The following ATP6AP1 variants were observed in gnomAD, a reference collection of about 807,000 sequenced individuals.
ATP6AP1 encodes V-type proton ATPase subunit S1.
ATP6AP1 carries 1 observed loss-of-function variant against 32.0 expected under a neutral mutation model. That is an observed-to-expected ratio of 0.03 (90% CI 0.01 to 0.15). The LOEUF is 0.15. ATP6AP1 is among the 10% of genes least tolerant of loss of function. The pLI is 1.00. For synonymous variants in ATP6AP1, 187 were observed against 174.9 expected (o/e 1.07, Z -0.55); for missense variants, 297 against 398.8 (o/e 0.74, Z 2.17).
Position 154,435,358 on chromosome X carries a change from C to G in ATP6AP1, c.1056C>G (p.Ser352=). The change falls in exon 9 of 10, where the codon TCC becomes TCG. Residue 352 remains serine (S), a synonymous_variant. Coordinates refer to ENST00000369762, the MANE Select transcript of ATP6AP1 (RefSeq NM_001183.6). ...MERLEVHSNG[S]VAYFNASQVT... ...GCCTCGAAGTCCACAGCAATGGCTCCGTCGCCTACTTCAATGCTTCCCAGG... is the reference window on the plus strand; with the variant it reads ...GCCTCGAAGTCCACAGCAATGGCTCGGTCGCCTACTTCAATGCTTCCCAGG... 9 of 1,211,966 alleles carry G rather than the reference C, an allele frequency of 7.4e-6. No individual in the cohort carries two copies. The highest frequency in any genetic ancestry group is 1.0e-5 in the Non-Finnish European group (9 of 895,525).
Position 154,434,372 on chromosome X carries a change from G to A in ATP6AP1, c.849G>A (p.Glu283=). ...CTGTGGCGTACAAGGACCAGTGGGA[G>A]GACCTGACTCCCCTCACCTTTGGGG... ...NFSVAYKDQW[E]DLTPLTFGVQ... is the part of the protein sequence containing the mutation. The change falls in exon 7 of 10, where the codon GAG becomes GAA. Residue 283 remains glutamate, a synonymous_variant. Transcript: ENST00000369762. The A allele has an allele frequency of 1.6e-6, 2 of 1,212,190 alleles. No homozygotes were observed. Among genetic ancestry groups the A allele is most frequent in the Non-Finnish European group, 2.2e-6 (2 of 895,577 alleles).
In ATP6AP1 at chrX:154,434,313, G is replaced by A. The variant is rs782076896; in HGVS notation, c.790G>A (p.Ala264Thr). The A allele has an allele frequency of 5.6e-5, 68 of 1,209,937 alleles. No homozygotes were observed. The South Asian group carries it at 7.2e-4, about 13-fold the overall frequency. ...TCCTCCTGTGAGTTACAATGACACC[G>A]CTCCCCGGATCCTGTTCTGGGCCCA... Reference protein sequence around the residue: ...IHPPVSYNDTAPRILFWAQNF... With the variant: ...IHPPVSYNDTTPRILFWAQNF... Residue 264 changes from alanine to threonine, a missense_variant, in exon 7 of 10, where the codon GCT becomes ACT. Physicochemically the swap from Ala to Thr is moderately conservative, Grantham distance 58. Coordinates refer to ENST00000369762, the MANE Select transcript of ATP6AP1 (RefSeq NM_001183.6).
rs1319932209 is a variant in ATP6AP1, at chrX:154,428,774, G to A, written c.82G>A (p.Val28Met). The A allele has an allele frequency of 1.8e-6, 2 of 1,132,786 alleles. No individual in the cohort carries two copies. The highest frequency in any genetic ancestry group is 3.9e-5 in the African/African-American group (2 of 51,037). The allele number at this position is 1,132,786 out of a possible 1,213,427, so 93.4% of individuals were successfully genotyped here. ...GCTCTGGCGCATGCCGTGGCTGCCG[G>A]TGTTTTTGTCGTTGGCGGCGGCGGC... Reference protein sequence around the residue: ...QALWRMPWLPVFLSLAAAAAA... With the variant: ...QALWRMPWLPMFLSLAAAAAA... The change falls in exon 1 of 10, where the codon GTG becomes ATG. Residue 28 changes from valine to methionine, a missense_variant. This residue lies in a region of ATP6AP1 where 142 missense variants were observed against 145.0 expected (regional missense o/e 0.98). Coordinates refer to ENST00000369762, the MANE Select transcript of ATP6AP1 (RefSeq NM_001183.6).
intron 2 of ATP6AP1, 159 bp from the exon 3 acceptor site, chrX:154,431,671 C>A: frequency 2.0e-6 from 1 of 511,456 alleles, no homozygotes; most frequent in Non-Finnish European, 3.4e-6. Context: ...AGTCTCCCAC[C>A]CCACCCCCAC....
chrX:154,429,015 C>T, intron 1 of ATP6AP1, 33 bp from the exon 2 acceptor site: 13 of 1,203,928 alleles, frequency 1.1e-5, no homozygotes, highest in Non-Finnish European at 1.3e-5. Context: ...ACATGCGCCC[C>T]CGTCTGACAG....
chrX:154,434,820 C>T (rs1430981290), intron 7 of ATP6AP1, among the ~76,000 whole-genome samples: 6 of 111,685 alleles, frequency 5.4e-5, no homozygotes, highest in Non-Finnish European at 9.4e-5. Flanking sequence ...TGTTTGCTCT[C>T]GCCCCCAAAG....
intron 5 of ATP6AP1, among the ~76,000 whole-genome samples, chrX:154,433,238 G>T (rs1452476899): frequency 8.9e-6 from 1 of 112,194 alleles, no homozygotes; most frequent in Non-Finnish European, 1.9e-5. Flanking sequence ...TGCAGGCAGC[G>T]TGAATCCTAG....
chrX:154,432,865 G>T, intron 4 of ATP6AP1, 66 bp from the exon 5 acceptor site: 1 of 1,163,741 alleles, frequency 8.6e-7, no homozygotes, highest in African/African-American at 1.8e-5. Flanking sequence ...TGGGGTCGGG[G>T]AAGGGTAGTG....
rs1055752863 is a variant in ATP6AP1 at position 154,429,390 on chromosome X, G to C, written c.288+216G>C. ...CACCAACTTGATTGGAGGAAGCGAC[G>C]GACCAGAGGCCAGGTACCTACTGAG... On this transcript the variant is annotated intron_variant, in intron 2 of 9. Coordinates refer to ENST00000369762, the MANE Select transcript of ATP6AP1 (RefSeq NM_001183.6). 5 of 436,273 alleles carry C rather than the reference G, an allele frequency of 1.1e-5. No individual in the cohort carries two copies. In the African/African-American group the frequency reaches 1.3e-4, roughly 11 times the overall value. 36.0% of individuals were successfully genotyped at this position (436,273 alleles called of 1,213,427 possible). A position where few individuals can be genotyped will look rare whatever the true frequency, so the allele number is the denominator to read the frequency against.
chrX:154,432,111 G>C (rs782133223), intron 3 of ATP6AP1, among the ~76,000 whole-genome samples, 155 bp from the exon 4 acceptor site: 11 of 112,515 alleles, frequency 9.8e-5, no homozygotes, highest in Non-Finnish European at 2.1e-4. Flanking sequence ...GAAAGGCCTG[G>C]GGCCTGAATG....
At chrX:154,432,557 G>A (rs2068699838) in intron 4 of ATP6AP1, 98 bp downstream of exon 4, 21 of 1,032,179 alleles carry the variant, frequency 2.0e-5, no homozygotes, top group Non-Finnish European at 2.6e-5. Flanking sequence ...AAAGATGCCA[G>A]TACTCCCCAC....
In ATP6AP1 at chrX:154,428,790, C is replaced by CGGA. The variant is rs782725325; in HGVS notation, c.100_101insAGG (p.Ala33_Ala34insGlu). On this transcript the variant is annotated inframe_insertion, in exon 1 of 10. Coordinates refer to ENST00000369762, the MANE Select transcript of ATP6AP1 (RefSeq NM_001183.6). ...TGGCTGCCGGTGTTTTTGTCGTTGG[C>CGGA]GGCGGCGGCGGCGGCGGCAGCGGCG... 66 of 1,092,514 alleles carry CGGA rather than the reference C, an allele frequency of 6.0e-5. No individual in the cohort carries two copies. Among genetic ancestry groups the CGGA allele is most frequent in the Non-Finnish European group, 5.6e-5 (47 of 844,288 alleles). The allele number at this position is 1,092,514 out of a possible 1,213,427, so 90.0% of individuals were successfully genotyped here. A position where few individuals can be genotyped will look rare whatever the true frequency, so the allele number is the denominator to read the frequency against.
chrX:154,435,420 A>G lies in ATP6AP1; in HGVS notation c.1118A>G (p.Tyr373Cys), dbSNP rs1557197511. 1 of 1,212,292 alleles carries G rather than the reference A, an allele frequency of 8.2e-7. No homozygotes were observed. The highest frequency in any genetic ancestry group is 1.1e-6 in the Non-Finnish European group (1 of 895,627). ...AGCATCTACTCCTTCCACTGCGAGT[A>G]TGTCAGCAGCCTGAGCAAGAAGGGT... is the stretch of plus-strand genomic sequence containing the variant. ...GPSIYSFHCEYVSSLSKKGSL... is the reference protein window; with the variant it reads ...GPSIYSFHCECVSSLSKKGSL... The change falls in exon 9 of 10, where the codon TAT becomes TGT. Residue 373 changes from tyrosine to cysteine, a missense_variant. Physicochemically the swap from Tyr to Cys is radical, Grantham distance 194 (BLOSUM62 -2). Around this residue, in one of 2 missense-constraint regions of ATP6AP1, gnomAD observed 155 missense variants for 253.8 expected, o/e 0.61. Transcript: ENST00000369762.
In ATP6AP1 at chrX:154,434,282, G is replaced by A. The variant is rs1422400001; in HGVS notation, c.759G>A (p.Val253=). The A allele has an allele frequency of 3.3e-6, 4 of 1,210,026 alleles. No homozygotes were observed. The highest frequency in any genetic ancestry group is 2.3e-4 in the Middle Eastern group (1 of 4,373). Residue 253 remains valine, a synonymous_variant, in exon 7 of 10, where the codon GTG becomes GTA. Coordinates refer to ENST00000369762, the MANE Select transcript of ATP6AP1 (RefSeq NM_001183.6). ...TACAAAAACAGCCAGTATCACCTGT[G>A]ATCCATCCTCCTGTGAGTTACAATG... ...QLLQKQPVSP[V]IHPPVSYNDT... is the part of the protein sequence containing the mutation.
Position 154,435,331 on chromosome X carries a change from G to A in ATP6AP1, c.1029G>A (p.Glu343=). Residue 343 remains glutamate, a synonymous_variant, in exon 9 of 10, where the codon GAG becomes GAA. Coordinates refer to ENST00000369762, the MANE Select transcript of ATP6AP1 (RefSeq NM_001183.6). ...CTGCCCGGCACTGGTTTACCATGGA[G>A]CGCCTCGAAGTCCACAGCAATGGCT... ...PVSARHWFTM[E]RLEVHSNGSV... 8.3e-7 allele frequency: 1 copy of A among 1,211,862 alleles called. No homozygotes were observed. Among genetic ancestry groups the A allele is most frequent in the Non-Finnish European group, 1.1e-6 (1 of 895,520 alleles).
intron 2 of ATP6AP1, chrX:154,431,532 G>T: frequency 1.2e-5 from 3 of 255,399 alleles, no homozygotes; most frequent in South Asian, 8.1e-5. Flanking sequence ...CCTCTTGTCT[G>T]TAGGGTGGGC....
At position 154,431,859 on chromosome X, in the gene ATP6AP1, C is replaced by T. The variant is rs2068695148; in HGVS notation, c.318C>T (p.Gly106=). The change falls in exon 3 of 10, where the codon GGC becomes GGT. Residue 106 remains glycine (G), a synonymous_variant. Transcript: ENST00000369762. The stretch of plus-strand genomic sequence containing the variant: ...GCATTGAGGATTTCACAGCATATGG[C>T]GGTGTGTTTGGAAACAAGCAGGACA... ...KLSIEDFTAY[G]GVFGNKQDSA... 2.5e-6 allele frequency: 3 copies of T among 1,211,556 alleles called. No individual in the cohort carries two copies. The highest frequency in any genetic ancestry group is 1.1e-6 in the Non-Finnish European group (1 of 895,422).
chrX:154,431,936 G>A (rs782448013), intron 3 of ATP6AP1, 32 bp downstream of exon 3: 1 of 1,183,473 alleles, frequency 8.4e-7, no homozygotes, highest in South Asian at 1.8e-5. Flanking sequence ...GGGGCCATGG[G>A]GGACATTCTG....
chrX:154,431,577 G>C (rs2068693638), intron 2 of ATP6AP1: 1 of 325,383 alleles, frequency 3.1e-6, no homozygotes, highest in Admixed American at 5.6e-5. Flanking sequence ...GTTACCACAA[G>C]TCAGCTGCCT....
Sources: allele counts gnomAD v4.1 joint callset (sites outside exome capture counted in the v4.1 genomes callset), GRCh38; gene constraint gnomAD v4.1.1; regional missense constraint gnomAD v4.1.1; transcripts MANE v1.5; gene names NCBI Gene and HGNC (gene_info 2026-07-23, HGNC 2026-07-21).